The following METTL24 variants were observed in gnomAD, a reference collection of about 807,000 sequenced individuals.
The protein encoded by METTL24 is methyltransferase like 24, also known as probable methyltransferase-like protein 24.
Under a neutral mutation model 32.7 loss-of-function variants are expected in METTL24, and 29 were observed. That is an observed-to-expected ratio of 0.89 (90% CI 0.66 to 1.21). The LOEUF is 1.21. METTL24 is among the 50% of genes most tolerant of loss of function. The pLI, the probability that METTL24 is intolerant of heterozygous loss-of-function variation, is 0.00. For synonymous variants in METTL24, 163 were observed against 179.5 expected (o/e 0.91, Z 0.73); for missense variants, 439 against 468.1 (o/e 0.94, Z 0.57).
intron 3 of METTL24, among the ~76,000 whole-genome samples, chr6:110,307,905 G>T (rs965170094): frequency 6.6e-6 from 1 of 152,164 alleles, no homozygotes; most frequent in Non-Finnish European, 1.5e-5. Context: ...ATATTGTTCT[G>T]CATATATTAA....
chr6:110,273,425 AACAG>A (rs1421189068), intron 4 of METTL24, among the ~76,000 whole-genome samples: 2 of 152,230 alleles, frequency 1.3e-5, no homozygotes, highest in Non-Finnish European at 2.9e-5. Flanking sequence ...CAGCAGAGTA[AACAG>A]ACAGCCCACA....
intron 4 of METTL24, among the ~76,000 whole-genome samples, 186 bp from the exon 5 acceptor site, chr6:110,246,446 G>T (rs1013474074): frequency 1.3e-5 from 2 of 152,098 alleles, no homozygotes; most frequent in South Asian, 2.1e-4. Context: ...AAATGTTTTG[G>T]TTTTTTGTTC....
chr6:110,304,638 C>T (rs543709516), intron 3 of METTL24, among the ~76,000 whole-genome samples: 16 of 152,146 alleles, frequency 1.1e-4, no homozygotes, highest in East Asian at 7.7e-4. Context: ...TGAAAAGGAA[C>T]GAACAAAGCC....
At chr6:110,274,838 A>G (rs1331519766) in intron 4 of METTL24, among the ~76,000 whole-genome samples, 1 of 121,426 alleles carries the variant, frequency 8.2e-6, no homozygotes, top group Non-Finnish European at 1.6e-5. Flanking sequence ...CCTCACTGTC[A>G]TCCAGGCCAG....
intron 3 of METTL24, among the ~76,000 whole-genome samples, chr6:110,300,610 G>A (rs149555358): frequency 0.012 from 1,792 of 151,710 alleles, 34 homozygotes; most frequent in African/African-American, 0.041. Context: ...TAGTAGAGAC[G>A]GGGTTTCACC....
At chr6:110,347,968 T>C (rs990722370) in intron 1 of METTL24, among the ~76,000 whole-genome samples, 10 of 152,236 alleles carry the variant, frequency 6.6e-5, no homozygotes, top group Admixed American at 2.6e-4. Context: ...CCTGAGCATA[T>C]TATATATGCA....
At chr6:110,256,586 T>C (rs997835134) in intron 4 of METTL24, among the ~76,000 whole-genome samples, 40 of 152,062 alleles carry the variant, frequency 2.6e-4, no homozygotes, top group African/African-American at 9.7e-4. Flanking sequence ...AGATAACGAG[T>C]CCCACCTATT....
chr6:110,270,196 G>A (rs1284162492), intron 4 of METTL24, among the ~76,000 whole-genome samples: 1 of 152,114 alleles, frequency 6.6e-6, no homozygotes, highest in African/African-American at 2.4e-5. Context: ...GTCAACCAGG[G>A]ACTGTGTCAT....
chr6:110,322,900 G>A (rs748649096), intron 1 of METTL24, 28 bp from the exon 2 acceptor site: 4 of 1,435,106 alleles, frequency 2.8e-6, no homozygotes, highest in Non-Finnish European at 3.7e-6. Flanking sequence ...CATAGGTTGT[G>A]TGTAAGGAAG....
At chr6:110,316,690 G>A (rs1771825174) in intron 2 of METTL24, among the ~76,000 whole-genome samples, 1 of 152,196 alleles carries the variant, frequency 6.6e-6, no homozygotes, top group Non-Finnish European at 1.5e-5. Context: ...GAGCCCAGGA[G>A]CTCGAGACCA....
At chr6:110,262,579 A>G (rs1259471417) in intron 4 of METTL24, among the ~76,000 whole-genome samples, 11 of 152,230 alleles carry the variant, frequency 7.2e-5, no homozygotes, top group Admixed American at 7.2e-4. Flanking sequence ...AACTATTCCA[A>G]TCAACAGAAA....
intron 4 of METTL24, among the ~76,000 whole-genome samples, chr6:110,296,047 A>G (rs1771412801): frequency 6.6e-6 from 1 of 151,938 alleles, no homozygotes; most frequent in Non-Finnish European, 1.5e-5. Context: ...AGGTTAAATG[A>G]CTCGCCCAAC....
chr6:110,315,210 G>T, intron 3 of METTL24, 132 bp downstream of exon 3: 1 of 1,074,776 alleles, frequency 9.3e-7, no homozygotes, highest in Non-Finnish European at 1.4e-6. Flanking sequence ...AGATCAGTCT[G>T]AAATGATGAC....
Position 110,244,974 on chromosome 6 carries a change from C to CTATT in METTL24, c.*971_*972insAATA, listed in dbSNP as rs1778124401. On this transcript the variant is annotated 3_prime_UTR_variant, in exon 5 of 5. Transcript: ENST00000338882. ...ATGCCAGTAGGAAAATCTATCTTAT[C>CTATT]TATCTATCTATCTATCTATCTATCT... is the stretch of plus-strand genomic sequence containing the variant. 6.6e-6 allele frequency among the ~76,000 whole-genome samples: 1 copy of CTATT among 151,190 alleles called. No individual in the cohort carries two copies. The highest frequency in any genetic ancestry group is 2.1e-4 in the South Asian group (1 of 4,780).
At chr6:110,324,803 A>T (rs1246094228) in intron 1 of METTL24, among the ~76,000 whole-genome samples, 1 of 152,058 alleles carries the variant, frequency 6.6e-6, no homozygotes, top group African/African-American at 2.4e-5. Flanking sequence ...TTCGATGTTG[A>T]TTACCATTTG....
At chr6:110,293,885 G>A (rs1180988519) in intron 4 of METTL24, among the ~76,000 whole-genome samples, 1 of 151,556 alleles carries the variant, frequency 6.6e-6, no homozygotes, top group Non-Finnish European at 1.5e-5. Context: ...TTTTTTTAAA[G>A]AGCTCTAATC....
intron 1 of METTL24, among the ~76,000 whole-genome samples, chr6:110,354,854 G>A (rs1394410788): frequency 6.6e-6 from 1 of 152,282 alleles, no homozygotes; most frequent in East Asian, 1.9e-4. Flanking sequence ...TGTATATCCC[G>A]AAAATAATAG....
chr6:110,247,493 A>C (rs1295966346), intron 4 of METTL24, among the ~76,000 whole-genome samples: 1 of 152,232 alleles, frequency 6.6e-6, no homozygotes, highest in Non-Finnish European at 1.5e-5. Flanking sequence ...TCAGTGAGTA[A>C]AGTATTATTA....
At chr6:110,318,141 A>C (rs1196210171) in intron 2 of METTL24, among the ~76,000 whole-genome samples, 2 of 152,246 alleles carry the variant, frequency 1.3e-5, no homozygotes, top group South Asian at 2.1e-4. Context: ...TAGGCATTGA[A>C]GATCCGCAGT....
Sources: allele counts gnomAD v4.1 joint callset (sites outside exome capture counted in the v4.1 genomes callset), GRCh38; gene constraint gnomAD v4.1.1; transcripts MANE v1.5; gene names NCBI Gene and HGNC (gene_info 2026-07-23, HGNC 2026-07-21).